DCC: variants seen among roughly 807,000 people sequenced by gnomAD.
DCC encodes the protein DCC netrin 1 receptor, also known as netrin receptor DCC.
In DCC, 58 loss-of-function variants were observed where a neutral mutation model predicts 172.5. The ratio of observed to expected loss-of-function variants is 0.34; its 90% CI spans 0.27 to 0.42. The LOEUF is 0.42. Ranked by LOEUF, DCC falls within the 10% of genes least tolerant of loss-of-function variation. The pLI, the probability that DCC is intolerant of heterozygous loss-of-function variation, is 1.00. For missense variants in DCC, 1,740 were observed against 1,791.0 expected (o/e 0.97, Z 0.51); for synonymous variants, 709 against 644.5 (o/e 1.10, Z -1.52).
intron 1 of DCC, among the ~76,000 whole-genome samples, chr18:52,526,306 C>A (rs2031977739): frequency 6.6e-6 from 1 of 152,080 alleles, no homozygotes; most frequent in Admixed American, 6.6e-5. Flanking sequence ...GGCCAATGGC[C>A]TTGCAATGAG....
intron 12 of DCC, among the ~76,000 whole-genome samples, chr18:53,252,256 T>C (rs991637928): frequency 6.6e-6 from 1 of 151,902 alleles, no homozygotes; most frequent in Non-Finnish European, 1.5e-5. Flanking sequence ...CTCATTTACA[T>C]ACTGCATAGG....
intron 1 of DCC, among the ~76,000 whole-genome samples, chr18:52,585,255 T>G (rs1394051462): frequency 6.6e-6 from 1 of 152,206 alleles, no homozygotes; most frequent in African/African-American, 2.4e-5. Context: ...GTGGATGTGT[T>G]AAAGCATGTT....
intron 12 of DCC, among the ~76,000 whole-genome samples, chr18:53,256,291 G>A (rs143561200): frequency 1.9e-3 from 282 of 152,306 alleles, no homozygotes; most frequent in African/African-American, 6.5e-3. Flanking sequence ...CCTTGCCCGT[G>A]CCTATGCCCC....
intron 12 of DCC, among the ~76,000 whole-genome samples, chr18:53,261,612 G>C (rs1009152191): frequency 1.3e-5 from 2 of 152,078 alleles, no homozygotes; most frequent in Non-Finnish European, 2.9e-5. Context: ...TGGCTATCAC[G>C]CCATTCTCCT....
chr18:52,963,113 T>TA (rs1163037145), intron 5 of DCC, among the ~76,000 whole-genome samples: 3 of 151,218 alleles, frequency 2.0e-5, no homozygotes, highest in Admixed American at 6.6e-5. Flanking sequence ...ATAATAAAAT[T>TA]AAAAAAATAA....
chr18:52,781,162 G>A (rs2037534481), intron 2 of DCC, among the ~76,000 whole-genome samples: 1 of 152,124 alleles, frequency 6.6e-6, no homozygotes, highest in South Asian at 2.1e-4. Flanking sequence ...GTTGAGAAAG[G>A]AAACCTAGCA....
intron 1 of DCC, among the ~76,000 whole-genome samples, chr18:52,353,197 G>A (rs1043726874): frequency 1.4e-4 from 21 of 152,204 alleles, no homozygotes; most frequent in African/African-American, 4.3e-4. Flanking sequence ...ACCATGACAC[G>A]TTTCATTTTC....
intron 3 of DCC, among the ~76,000 whole-genome samples, chr18:52,908,126 G>A (rs553354496): frequency 2.0e-5 from 3 of 152,256 alleles, no homozygotes; most frequent in African/African-American, 2.4e-5. Context: ...TTCGGTCTCT[G>A]CGCTCTTAAC....
chr18:53,026,345 C>T (rs2041955079), intron 5 of DCC, among the ~76,000 whole-genome samples: 1 of 151,922 alleles, frequency 6.6e-6, no homozygotes, highest in African/African-American at 2.4e-5. Flanking sequence ...ATGTTTCCTC[C>T]AAGTCTTTTT....
chr18:53,008,484 C>A (rs1442729242), intron 5 of DCC, among the ~76,000 whole-genome samples: 1 of 151,866 alleles, frequency 6.6e-6, no homozygotes, highest in Non-Finnish European at 1.5e-5. Context: ...TAATTAGAAA[C>A]CTTTTTTGTT....
chr18:52,470,055 C>T (rs992428522), intron 1 of DCC, among the ~76,000 whole-genome samples: 3 of 152,198 alleles, frequency 2.0e-5, no homozygotes, highest in Admixed American at 6.5e-5. Flanking sequence ...AGGACATTGC[C>T]TCTGGCACAG....
intron 1 of DCC, among the ~76,000 whole-genome samples, chr18:52,674,514 C>T (rs2035614876): frequency 6.6e-6 from 1 of 152,178 alleles, no homozygotes; most frequent in African/African-American, 2.4e-5. Flanking sequence ...CACAGACACA[C>T]ACAGAAATAA....
At chr18:53,146,890 A>G (rs1326068391) in intron 7 of DCC, among the ~76,000 whole-genome samples, 1 of 152,208 alleles carries the variant, frequency 6.6e-6, no homozygotes, top group Non-Finnish European at 1.5e-5. Flanking sequence ...GATCAACCAT[A>G]ATTCAAATCA....
chr18:52,882,697 T>C (rs1162758930), intron 2 of DCC, among the ~76,000 whole-genome samples: 5 of 152,162 alleles, frequency 3.3e-5, no homozygotes, highest in African/African-American at 1.2e-4. Flanking sequence ...TCCTTGAGAA[T>C]GGTTCATGTC....
rs188223275 is a variant in DCC, at chr18:52,422,750, G to A, written c.91+81872G>A. On this transcript the variant is annotated intron_variant, in intron 1 of 28. Coordinates refer to ENST00000442544, the MANE Select transcript of DCC (RefSeq NM_005215.4). ...GTAGAAGAAAGGAAGCGGCAATGGG[G>A]TGGGTTAAGAATTAGAGCAACATAG... is the stretch of plus-strand genomic sequence containing the variant. 2.0e-3 allele frequency among the ~76,000 whole-genome samples: 301 copies of A among 152,280 alleles called. 2 individuals are homozygous for A. The highest frequency in any genetic ancestry group is 6.9e-3 in the African/African-American group (285 of 41,570).
intron 5 of DCC, among the ~76,000 whole-genome samples, chr18:53,003,493 T>G (rs1434851132): frequency 6.6e-6 from 1 of 152,134 alleles, no homozygotes; most frequent in African/African-American, 2.4e-5. Flanking sequence ...CTCTTTGTAA[T>G]TTCTCAGTGG....
intron 1 of DCC, among the ~76,000 whole-genome samples, chr18:52,427,733 T>A (rs972823427): frequency 2.0e-5 from 3 of 152,072 alleles, no homozygotes; most frequent in African/African-American, 7.2e-5. Context: ...CAAGGCCAAG[T>A]TCTTTTCCTC....
chr18:53,351,356 ATATATATATACTGTATATATATATACAG>A (rs1568074892), intron 15 of DCC, among the ~76,000 whole-genome samples: 13 of 62,252 alleles, frequency 2.1e-4, no homozygotes, highest in African/African-American at 6.4e-4. Flanking sequence ...TATACACAGT[ATATATATATACTGTATATATATATACAG>A]TATATATATA....
intron 2 of DCC, among the ~76,000 whole-genome samples, chr18:52,778,195 A>C (rs912215187): frequency 2.0e-5 from 3 of 152,188 alleles, no homozygotes; most frequent in African/African-American, 7.2e-5. Context: ...GCTGCAAGTA[A>C]AGTTTTAAAA....
Sources: gnomAD v4.1 joint callset for allele counts (sites outside exome capture counted in the v4.1 genomes callset) on GRCh38, gnomAD v4.1.1 for gene constraint, MANE v1.5 for transcripts, NCBI Gene and HGNC (gene_info 2026-07-23, HGNC 2026-07-21) for gene names.